Variants in GMDS observed in about 807,000 individuals in gnomAD.
GMDS encodes the protein GDP-mannose 4,6-dehydratase, also known as GDP-mannose 4,6 dehydratase.
A neutral mutation model predicts 49.9 loss-of-function variants in GMDS; 20 were observed. The observed-to-expected ratio is 0.40, with a 90% CI of 0.28 to 0.58. The LOEUF is 0.58. Among genes scored for constraint, GMDS ranks in the 20% least tolerant of loss-of-function variants. The probability of loss-of-function intolerance (pLI) is 0.42; values close to 1 mark genes in which losing one functional copy is unlikely to be tolerated. For synonymous variants in GMDS, 177 were observed against 178.6 expected, an observed-to-expected ratio of 0.99 and a Z score of 0.07; for missense variants, 362 against 481.4, an observed-to-expected ratio of 0.75 and a Z score of 2.32.
chr6:1,930,007 C>T, intron 7 of GMDS, 96 bp downstream of exon 7: 1 of 1,110,740 alleles, frequency 9.0e-7, no homozygotes, highest in Non-Finnish European at 1.3e-6. Context: ...GGTTTGTATG[C>T]CCCCACCTCT....
intron 9 of GMDS, among the ~76,000 whole-genome samples, chr6:1,639,045 G>A (rs1763250063): frequency 6.6e-6 from 1 of 152,174 alleles, no homozygotes; most frequent in Admixed American, 6.5e-5. Flanking sequence ...TGACATAGAT[G>A]GTGATCTCCG....
At chr6:2,227,679 G>A (rs967689429) in intron 1 of GMDS, among the ~76,000 whole-genome samples, 29 of 152,150 alleles carry the variant, frequency 1.9e-4, no homozygotes, top group Admixed American at 1.8e-3. Context: ...GGAAGGAGCG[G>A]GCAGGCCAGA....
At chr6:1,898,761 G>T (rs140521645) in intron 7 of GMDS, among the ~76,000 whole-genome samples, 276 of 152,310 alleles carry the variant, frequency 1.8e-3, no homozygotes, top group African/African-American at 6.3e-3. Flanking sequence ...CACTCTAAAG[G>T]AAGGTGCTGT....
chr6:2,209,907 A>C (rs550253947), intron 1 of GMDS, among the ~76,000 whole-genome samples: 1 of 152,284 alleles, frequency 6.6e-6, no homozygotes, highest in East Asian at 1.9e-4. Flanking sequence ...AGGAAGATAG[A>C]ACACACACTC....
chr6:2,120,079 C>G (rs1329624725), intron 2 of GMDS, among the ~76,000 whole-genome samples: 1 of 152,152 alleles, frequency 6.6e-6, no homozygotes, highest in Non-Finnish European at 1.5e-5. Context: ...ATGTCACTCA[C>G]CTTTTGAAAA....
At chr6:1,804,194 A>T (rs945088693) in intron 7 of GMDS, among the ~76,000 whole-genome samples, 13 of 152,222 alleles carry the variant, frequency 8.5e-5, no homozygotes, top group Admixed American at 3.9e-4. Context: ...TTTATGGTCA[A>T]TTTGATTTGT....
chr6:2,135,535 C>A (rs571969872), intron 1 of GMDS, among the ~76,000 whole-genome samples: 57 of 152,228 alleles, frequency 3.7e-4, no homozygotes, highest in African/African-American at 1.3e-3. Context: ...GAATAAGATG[C>A]ATTTCCTACA....
chr6:1,870,386 C>A (rs956263177), intron 7 of GMDS, among the ~76,000 whole-genome samples: 1 of 152,180 alleles, frequency 6.6e-6, no homozygotes, highest in African/African-American at 2.4e-5. Context: ...ATACGCCCAA[C>A]CCTTAGAAGC....
At chr6:1,662,180 A>G (rs1764102636) in intron 9 of GMDS, among the ~76,000 whole-genome samples, 1 of 152,172 alleles carries the variant, frequency 6.6e-6, no homozygotes, top group African/African-American at 2.4e-5. Context: ...TTTAATCCTC[A>G]GATCAGCTCC....
chr6:1,858,588 C>A (rs1345191448), intron 7 of GMDS, among the ~76,000 whole-genome samples: 4 of 151,850 alleles, frequency 2.6e-5, no homozygotes, highest in Non-Finnish European at 5.9e-5. Context: ...CTGAGAAATG[C>A]ACACTATATA....
At chr6:1,747,038 C>T (rs541931072) in intron 7 of GMDS, among the ~76,000 whole-genome samples, 12 of 152,066 alleles carry the variant, frequency 7.9e-5, no homozygotes, top group Non-Finnish European at 1.5e-4. Context: ...TAAAAATACT[C>T]CTCTCTCACA....
At chr6:1,915,230 C>T (rs1261288113) in intron 7 of GMDS, among the ~76,000 whole-genome samples, 5 of 152,212 alleles carry the variant, frequency 3.3e-5, no homozygotes, top group Admixed American at 2.0e-4. Flanking sequence ...GGGTTCAAGA[C>T]GCTGTGAGAG....
In GMDS at chr6:1,660,446, C is replaced by T. The variant is rs569743051; in HGVS notation, c.988-35906G>A. Among the ~76,000 whole-genome samples, 116 of 152,056 alleles carry T rather than the reference C, an allele frequency of 7.6e-4. No homozygotes were observed. In the Middle Eastern group the frequency reaches 0.01, roughly 13 times the overall value. On this transcript the variant is annotated intron_variant, in intron 9 of 10. Coordinates refer to ENST00000380815, the MANE Select transcript of GMDS (RefSeq NM_001500.4). The stretch of plus-strand genomic sequence containing the variant: ...CAATGTGCCCAGAAAACTAAGAACG[C>T]CATTTTGGCTTTCTGAAACTTTGAC...
intron 7 of GMDS, among the ~76,000 whole-genome samples, chr6:1,900,867 G>C (rs1245589162): frequency 6.6e-6 from 1 of 152,124 alleles, no homozygotes; most frequent in Non-Finnish European, 1.5e-5. Context: ...TCCCTTAACT[G>C]CAAAAAAGCA....
chr6:1,658,883 A>G (rs963739408), intron 9 of GMDS, among the ~76,000 whole-genome samples: 1 of 152,212 alleles, frequency 6.6e-6, no homozygotes, highest in African/African-American at 2.4e-5. Flanking sequence ...GAGAAAAGAG[A>G]CGTCCTGGAA....
At chr6:2,103,919 C>A (rs1774069627) in intron 4 of GMDS, among the ~76,000 whole-genome samples, 1 of 152,222 alleles carries the variant, frequency 6.6e-6, no homozygotes, top group African/African-American at 2.4e-5. Context: ...CACTTAACAG[C>A]AAACCCAGTA....
chr6:2,081,601 T>C (rs924428582), intron 4 of GMDS, among the ~76,000 whole-genome samples: 1 of 152,104 alleles, frequency 6.6e-6, no homozygotes, highest in African/African-American at 2.4e-5. Flanking sequence ...AAAGCCAATG[T>C]TTGCATTTTA....
intron 9 of GMDS, among the ~76,000 whole-genome samples, chr6:1,637,975 C>T (rs368036872): frequency 2.0e-5 from 3 of 152,364 alleles, no homozygotes; most frequent in East Asian, 3.9e-4. Flanking sequence ...TAGACCACCT[C>T]CCCTGAGGGT....
chr6:1,930,308 C>A (rs535844969), intron 6 of GMDS, 78 bp from the exon 7 acceptor site: 1 of 1,223,890 alleles, frequency 8.2e-7, no homozygotes, highest in South Asian at 1.4e-5. Context: ...AACCCGATTT[C>A]GGCCTCTGGG....
Sources: allele counts gnomAD v4.1 joint callset (sites outside exome capture counted in the v4.1 genomes callset), GRCh38; gene constraint gnomAD v4.1.1; transcripts MANE v1.5; gene names NCBI Gene and HGNC (gene_info 2026-07-23, HGNC 2026-07-21).